Variants in MYO1F observed in about 807,000 individuals in gnomAD.
MYO1F encodes the protein unconventional myosin-If.
In MYO1F, 60 loss-of-function variants were observed where a neutral mutation model predicts 146.6. The ratio of observed to expected loss-of-function variants is 0.41; its 90% CI spans 0.33 to 0.51. The LOEUF (loss-of-function observed/expected upper bound fraction) is 0.51, where lower values mean the gene tolerates loss of function less well. Ranked by LOEUF, MYO1F falls within the 20% of genes least tolerant of loss-of-function variation. The pLI, the probability that MYO1F is intolerant of heterozygous loss-of-function variation, is 0.25. For synonymous variants in MYO1F, 602 were observed against 602.1 expected (o/e 1.00, Z 0.00); for missense variants, 1,274 against 1,534.3 (o/e 0.83, Z 2.83).
chr19:8,536,669 G>GCACA, intron 17 of MYO1F, 72 bp from the exon 18 acceptor site: 1 of 809,106 alleles, frequency 1.2e-6, no homozygotes, highest in South Asian at 1.6e-5. Context: ...GGGAGGTGCT[G>GCACA]GAGGTGGGGG....
At chr19:8,553,570 A>G (rs1025695403) in intron 4 of MYO1F, 133 bp from the exon 5 acceptor site, 2 of 746,488 alleles carry the variant, frequency 2.7e-6, no homozygotes, top group Non-Finnish European at 4.6e-6. Flanking sequence ...AATGAACAAG[A>G]CAGATAAAAT....
chr19:8,558,618 G>A (rs1000877315), intron 1 of MYO1F, among the ~76,000 whole-genome samples: 3 of 152,092 alleles, frequency 2.0e-5, no homozygotes, highest in African/African-American at 7.2e-5. Context: ...GGCTCACTCT[G>A]TCTCTATTCA....
At chr19:8,531,369 G>A (rs1298395599) in intron 19 of MYO1F, among the ~76,000 whole-genome samples, 1 of 152,112 alleles carries the variant, frequency 6.6e-6, no homozygotes, top group Non-Finnish European at 1.5e-5. Context: ...AAAAGAAAAA[G>A]ACAGGGTCTC....
At chr19:8,539,904 GC>G (rs765594895) in intron 16 of MYO1F, 42 bp downstream of exon 16, 1 of 1,565,974 alleles carries the variant, frequency 6.4e-7, no homozygotes, top group African/African-American at 1.4e-5. Flanking sequence ...GTGGAACTCA[GC>G]CCTCTGCAGG....
rs1013707929 is a variant in MYO1F, at chr19:8,553,831, C to T, written c.327-394G>A. ...AGGTTGCAGTGAGCTGAGGTTGTGC[C>T]ACTGCACTCCAGCCTGGGTGACAGA... On this transcript the variant is annotated intron_variant, in intron 4 of 27. Coordinates refer to ENST00000644032, the MANE Select transcript of MYO1F (RefSeq NM_012335.4). 4.3e-4 allele frequency among the ~76,000 whole-genome samples: 65 copies of T among 150,924 alleles called. 1 individual carries two copies. The highest frequency in any genetic ancestry group is 1.6e-3 in the African/African-American group (64 of 40,916).
In MYO1F at chr19:8,555,712, C is replaced by T. The variant is rs369105985; in HGVS notation, c.88G>A (p.Glu30Lys). ...CGGAGGTTGGCGGCAATGGCGTCTT[C>T]GGTGATCTGGGGAAGAAGCACCATG... ...DDMVLLPQIT[E>K]DAIAANLRKR... is the part of the protein sequence containing the mutation. The change falls in exon 2 of 28, where the codon GAA becomes AAA. Residue 30 changes from glutamate to lysine, a missense_variant. Transcript: ENST00000644032. The T allele has an allele frequency of 5.2e-5, 84 of 1,614,062 alleles. No individual in the cohort carries two copies. Among genetic ancestry groups the T allele is most frequent in the Non-Finnish European group, 6.7e-5 (79 of 1,180,048 alleles).
At chr19:8,547,849 G>T in intron 12 of MYO1F, 187 bp downstream of exon 12, 1 of 615,086 alleles carries the variant, frequency 1.6e-6, no homozygotes, top group Non-Finnish European at 2.9e-6. Context: ...GAACTAAGAG[G>T]CACGGTCCTT....
At chr19:8,538,065 A>T (rs746168641) in intron 16 of MYO1F, among the ~76,000 whole-genome samples, 1 of 151,584 alleles carries the variant, frequency 6.6e-6, no homozygotes, top group Non-Finnish European at 1.5e-5. Flanking sequence ...TCCGTCTCCC[A>T]GGTTCAAGTG....
Position 8,530,592 on chromosome 19 carries a change from G to GAGACACCA in MYO1F, c.2044-20_2044-19insTGGTGTCT. On this transcript the variant is annotated intron_variant, in intron 19 of 27. Transcript: ENST00000644032. This position sits in a 1 kb window ranked among gnomAD's most constrained non-coding sequence, Gnocchi z 5.8. Reference sequence around the variant, plus strand: ...GGAAAAGCTGGGCGGGGGTCGTGGGGGGCAAGGGTGAGTCCTGGTGTCTCC... The same window carrying GAGACACCA: ...GGAAAAGCTGGGCGGGGGTCGTGGGGAGACACCAGGCAAGGGTGAGTCCTGGTGTCTCC... The GAGACACCA allele has an allele frequency of 6.3e-7, 1 of 1,590,236 alleles. No homozygotes were observed. The highest frequency in any genetic ancestry group is 8.6e-7 in the Non-Finnish European group (1 of 1,165,092).
At position 8,555,643 on chromosome 19, in the gene MYO1F, C is replaced by T; in HGVS notation, c.141+16G>A. 3 of 1,614,032 alleles carry T rather than the reference C, an allele frequency of 1.9e-6. No homozygotes were observed. Among genetic ancestry groups the T allele is most frequent in the Non-Finnish European group, 2.5e-6 (3 of 1,180,002 alleles). Reference sequence around the variant, plus strand: ...TCCTTCCCTGCCTGCCCACCCCCAGCCTTGGCCCAGGGTACGAAGATGTAG... The same window carrying T: ...TCCTTCCCTGCCTGCCCACCCCCAGTCTTGGCCCAGGGTACGAAGATGTAG... On this transcript the variant is annotated intron_variant, in intron 2 of 27. Transcript: ENST00000644032.
intron 19 of MYO1F, among the ~76,000 whole-genome samples, chr19:8,535,610 A>G (rs1450438219): frequency 2.6e-5 from 4 of 151,474 alleles, no homozygotes; most frequent in Non-Finnish European, 4.4e-5. Context: ...TTCTATGTCA[A>G]AATTTTTGGT....
intron 21 of MYO1F, among the ~76,000 whole-genome samples, chr19:8,529,436 G>A (rs1350343569): frequency 6.6e-6 from 1 of 152,146 alleles, no homozygotes; most frequent in Admixed American, 6.6e-5. Context: ...AGAAGAGGAT[G>A]TGTCTGTTGG....
At chr19:8,543,648 G>A (rs972140479) in intron 14 of MYO1F, among the ~76,000 whole-genome samples, 3 of 141,918 alleles carry the variant, frequency 2.1e-5, no homozygotes, top group African/African-American at 8.1e-5. Context: ...GGTGGTGGTG[G>A]TGGTGCTGGT....
At chr19:8,531,883 C>T (rs1375300911) in intron 19 of MYO1F, among the ~76,000 whole-genome samples, 1 of 151,954 alleles carries the variant, frequency 6.6e-6, no homozygotes, top group African/African-American at 2.4e-5. Flanking sequence ...TTTGGGAGGC[C>T]GAGGTGGGCG....
intron 1 of MYO1F, among the ~76,000 whole-genome samples, chr19:8,563,999 T>C (rs574259924): frequency 6.6e-6 from 1 of 152,338 alleles, no homozygotes; most frequent in East Asian, 1.9e-4. Context: ...ATCACATTGA[T>C]TCTTTTTGAA....
chr19:8,529,337 G>C (rs369342617), intron 21 of MYO1F, among the ~76,000 whole-genome samples: 1 of 152,082 alleles, frequency 6.6e-6, no homozygotes, highest in East Asian at 1.9e-4. Flanking sequence ...TACAGGTGAC[G>C]GTAAACAGGC....
At chr19:8,569,151 C>T (rs763688012) in intron 1 of MYO1F, among the ~76,000 whole-genome samples, 9 of 152,084 alleles carry the variant, frequency 5.9e-5, no homozygotes, top group Non-Finnish European at 8.8e-5. Context: ...TGCCCCCTGC[C>T]CTGTCTCCCA....
At chr19:8,559,165 C>T (rs1973973259) in intron 1 of MYO1F, among the ~76,000 whole-genome samples, 2 of 151,878 alleles carry the variant, frequency 1.3e-5, no homozygotes, top group Admixed American at 1.3e-4. Flanking sequence ...CAGGCATGAG[C>T]CACCGCTCCC....
intron 13 of MYO1F, 87 bp from the exon 14 acceptor site, chr19:8,544,551 G>T: frequency 7.1e-7 from 1 of 1,401,994 alleles, no homozygotes; most frequent in Non-Finnish European, 9.8e-7. Flanking sequence ...AGGGGAGGGA[G>T]GGGGTGGAGG....
Sources: gnomAD v4.1 joint callset for allele counts (sites outside exome capture counted in the v4.1 genomes callset) on GRCh38, gnomAD v4.1.1 for gene constraint, Gnocchi (gnomAD v3.1) non-coding constraint, MANE v1.5 for transcripts, NCBI Gene and HGNC (gene_info 2026-07-23, HGNC 2026-07-21) for gene names.